DDX20: variants seen among roughly 807,000 people sequenced by gnomAD.
DDX20 encodes the protein probable ATP-dependent RNA helicase DDX20.
A neutral mutation model predicts 76.4 loss-of-function variants in DDX20; 61 were observed. The ratio of observed to expected loss-of-function variants is 0.80; its 90% CI spans 0.65 to 0.99. DDX20 has a LOEUF of 0.99. Ranked by LOEUF, DDX20 falls within the 50% of genes least tolerant of loss-of-function variation. The pLI is 0.00. For synonymous variants in DDX20, 357 were observed against 357.4 expected, an observed-to-expected ratio of 1.00 and a Z score of 0.01; for missense variants, 976 against 996.8, an observed-to-expected ratio of 0.98 and a Z score of 0.28.
chr1:111,756,258 TG>T (rs1344196691), intron 1 of DDX20, 33 bp downstream of exon 1: 2 of 561,386 alleles, frequency 3.6e-6, no homozygotes, highest in Non-Finnish European at 4.7e-6. Context: ...GGTCGGGGGG[TG>T]GGGTGGGAGA....
intron 2 of DDX20, among the ~76,000 whole-genome samples, chr1:111,758,810 C>G (rs114038990): frequency 0.026 from 3,949 of 151,918 alleles, 73 homozygotes; most frequent in Non-Finnish European, 0.04. Context: ...TATTCTTATC[C>G]AAGAATGAAA....
rs767106165 is a variant in DDX20 at position 111,762,899 on chromosome 1, C to G, written c.1211-7C>G. On this transcript the variant is annotated splice_region_variant and splice_polypyrimidine_tract_variant and intron_variant, in intron 9 of 10. Coordinates refer to ENST00000369702, the MANE Select transcript of DDX20 (RefSeq NM_007204.5). ...GATTTACTACCTAACATTCTCTCTG[C>G]TTTTAGGTACATTGGGGCTGACAGT... is the stretch of plus-strand genomic sequence containing the variant. 6.2e-7 allele frequency: 1 copy of G among 1,609,500 alleles called. No individual in the cohort carries two copies. Among genetic ancestry groups the G allele is most frequent in the South Asian group, 1.1e-5 (1 of 90,968 alleles).
At chr1:111,758,226 T>G (rs889595607) in intron 2 of DDX20, among the ~76,000 whole-genome samples, 14 of 152,178 alleles carry the variant, frequency 9.2e-5, no homozygotes, top group African/African-American at 3.4e-4. Context: ...TGTATCAAAG[T>G]AATACATATT....
Position 111,762,762 on chromosome 1 carries a change from T to C in DDX20, c.1190T>C (p.Ile397Thr), listed in dbSNP as rs771207510. ...PLDWETYMHR[I>T]GRAGRFGTLG... Reference sequence around the variant, plus strand: ...GATTGGGAGACATACATGCATCGGATTGGGAGAGCTGGCCGTTTTGGTAAA... The same window carrying C: ...GATTGGGAGACATACATGCATCGGACTGGGAGAGCTGGCCGTTTTGGTAAA... The change falls in exon 9 of 11, where the codon ATT becomes ACT. Residue 397 changes from isoleucine (I) to threonine (T), a missense_variant. Ile to Thr is a moderately conservative substitution (Grantham distance 89, BLOSUM62 -1). Transcript: ENST00000369702. 9 of 1,613,286 alleles carry C rather than the reference T, an allele frequency of 5.6e-6. No homozygotes were observed. Among genetic ancestry groups the C allele is most frequent in the Non-Finnish European group, 8.5e-7 (1 of 1,179,822 alleles).
chr1:111,760,485 C>G lies in DDX20; in HGVS notation c.577C>G (p.Gln193Glu). ...TTTTTTTTAATTAGGCAGAATTAAG[C>G]AACTCATAGAACTTGACTACTTGAA... is the stretch of plus-strand genomic sequence containing the variant. ...IAVGSPGRIK[Q>E]LIELDYLNPG... Residue 193 changes from glutamine (Q) to glutamate (E), a missense_variant, in exon 4 of 11, where the codon CAA becomes GAA. Gln to Glu is a conservative substitution (Grantham distance 29, BLOSUM62 2). Coordinates refer to ENST00000369702, the MANE Select transcript of DDX20 (RefSeq NM_007204.5). 6.3e-7 allele frequency: 1 copy of G among 1,584,536 alleles called. No homozygotes were observed. The highest frequency in any genetic ancestry group is 8.5e-7 in the Non-Finnish European group (1 of 1,171,046).
At chr1:111,765,491 T>G (rs1404712582) in intron 10 of DDX20, among the ~76,000 whole-genome samples, 3 of 152,200 alleles carry the variant, frequency 2.0e-5, no homozygotes, top group Non-Finnish European at 4.4e-5. Flanking sequence ...AAGCTCTTTT[T>G]CTAGTGAGAG....
rs1259321504 is a variant in DDX20, at chr1:111,762,390, TATC to T, written c.1104+55_1104+57del. The T allele has an allele frequency of 1.6e-5, 21 of 1,350,914 alleles. No homozygotes were observed. The South Asian group carries it at 2.6e-4, about 16-fold the overall frequency. 83.7% of individuals were successfully genotyped at this position (1,350,914 alleles called of 1,614,324 possible). A position where few individuals can be genotyped will look rare whatever the true frequency, so the allele number is the denominator to read the frequency against. On this transcript the variant is annotated intron_variant, in intron 8 of 10. Coordinates refer to ENST00000369702, the MANE Select transcript of DDX20 (RefSeq NM_007204.5). ...TAATCCATCTTGACATATGTTCTAT[TATC>T]AGATGTACAGATTTCATATATTATT...
intron 8 of DDX20, 100 bp downstream of exon 8, chr1:111,762,437 C>T (rs966084158): frequency 1.4e-4 from 136 of 972,950 alleles, no homozygotes; most frequent in Non-Finnish European, 2.0e-4. Flanking sequence ...GCGTATCTAA[C>T]AAGAATACCA....
At position 111,765,823 on chromosome 1, in the gene DDX20, G is replaced by A. The variant is rs752102644; in HGVS notation, c.1399G>A (p.Val467Ile). Reference sequence around the variant, plus strand: ...TGTGCATACATATGGTATAGCAAGTGTACCTAACCAACCCTTAAAAAAGCA... The same window carrying A: ...TGTGCATACATATGGTATAGCAAGTATACCTAACCAACCCTTAAAAAAGCA... ...AAVHTYGIASVPNQPLKKQIQ... is the reference protein window; with the variant it reads ...AAVHTYGIASIPNQPLKKQIQ... The change falls in exon 11 of 11, where the codon GTA becomes ATA. Residue 467 changes from valine to isoleucine, a missense_variant. Val to Ile is a conservative substitution (Grantham distance 29). Transcript: ENST00000369702. 1.2e-6 allele frequency: 2 copies of A among 1,614,110 alleles called. No individual in the cohort carries two copies. The highest frequency in any genetic ancestry group is 3.3e-5 in the Admixed American group (2 of 60,010).
chr1:111,761,666 G>A (rs1261603373), intron 7 of DDX20: 1 of 157,622 alleles, frequency 6.3e-6, no homozygotes, highest in African/African-American at 2.4e-5. Context: ...TAACTGAATT[G>A]ACTGTTTTAT....
rs1028494724 is a variant in DDX20 at position 111,767,848 on chromosome 1, T to C, written c.*949T>C. 1.3e-5 allele frequency: 2 copies of C among 152,196 alleles called. No homozygotes were observed. Among genetic ancestry groups the C allele is most frequent in the African/African-American group, 4.8e-5 (2 of 41,452 alleles). 9.4% of individuals were successfully genotyped at this position (152,196 alleles called of 1,614,324 possible). The stretch of plus-strand genomic sequence containing the variant: ...AGTATTTTGTGGAAGCTGGAATTGA[T>C]TCTCTTCAGACACTTCTTAGTACAT... On this transcript the variant is annotated 3_prime_UTR_variant, in exon 11 of 11. Coordinates refer to ENST00000369702, the MANE Select transcript of DDX20 (RefSeq NM_007204.5).
intron 3 of DDX20, among the ~76,000 whole-genome samples, chr1:111,760,067 A>G (rs1400502451): frequency 1.3e-5 from 2 of 151,952 alleles, no homozygotes; most frequent in Admixed American, 1.3e-4. Flanking sequence ...TGAAATCTCC[A>G]TTCCTAAGTA....
chr1:111,766,853 A>T lies in DDX20; in HGVS notation c.2429A>T (p.His810Leu), dbSNP rs1237028259. 6.2e-7 allele frequency: 1 copy of T among 1,613,510 alleles called. No homozygotes were observed. Among genetic ancestry groups the T allele is most frequent in the African/African-American group, 1.3e-5 (1 of 75,052 alleles). Residue 810 changes from histidine to leucine, a missense_variant, in exon 11 of 11, where the codon CAC becomes CTC. Coordinates refer to ENST00000369702, the MANE Select transcript of DDX20 (RefSeq NM_007204.5). ...QRHPSWMAAY[H>L]MNTIYLQEMM... ...CATCCAAGTTGGATGGCAGCTTATC[A>T]CATGAATACCATTTATCTACAAGAA...
intron 3 of DDX20, 171 bp from the exon 4 acceptor site, chr1:111,760,303 G>T: frequency 3.8e-6 from 2 of 519,926 alleles, no homozygotes; most frequent in South Asian, 3.0e-5. Context: ...GTTTAGTCAA[G>T]ATCAGAGCTC....
At chr1:111,756,347 C>T (rs900904587) in intron 1 of DDX20, 122 bp downstream of exon 1, 5 of 1,037,756 alleles carry the variant, frequency 4.8e-6, no homozygotes, top group African/African-American at 3.4e-5. Flanking sequence ...CGGAGCAGGG[C>T]CCTGCCGGGG....
At position 111,767,467 on chromosome 1, in the gene DDX20, AAAAAC is replaced by A. The variant is rs1663806140; in HGVS notation, c.*572_*576del. On this transcript the variant is annotated 3_prime_UTR_variant, in exon 11 of 11. Transcript: ENST00000369702. The stretch of plus-strand genomic sequence containing the variant: ...TCCAGTAAAAATATTTGTTTTTAGT[AAAAAC>A]AAATTTAAATATATTTACATGTTTG... The A allele has an allele frequency of 7.0e-6, 1 of 143,774 alleles. No homozygotes were observed. Among genetic ancestry groups the A allele is most frequent in the Admixed American group, 6.7e-5 (1 of 14,920 alleles). 8.9% of individuals were successfully genotyped at this position (143,774 alleles called of 1,614,324 possible). A position where few individuals can be genotyped will look rare whatever the true frequency, so the allele number is the denominator to read the frequency against.
At position 111,767,614 on chromosome 1, in the gene DDX20, A is replaced by G. The variant is rs1458891971; in HGVS notation, c.*715A>G. 1 of 152,192 alleles carries G rather than the reference A, an allele frequency of 6.6e-6. No individual in the cohort carries two copies. Among genetic ancestry groups the G allele is most frequent in the Non-Finnish European group, 1.5e-5 (1 of 68,014 alleles). The allele number at this position is 152,192 out of a possible 1,614,324, so 9.4% of individuals were successfully genotyped here. On this transcript the variant is annotated 3_prime_UTR_variant, in exon 11 of 11. Coordinates refer to ENST00000369702, the MANE Select transcript of DDX20 (RefSeq NM_007204.5). ...ACTTGTGTTGCTCAGATAGAGGAGC[A>G]GCTCTTAATCTTTTTTGGTTCTTGG...
Position 111,765,997 on chromosome 1 carries a change from G to A in DDX20, c.1573G>A (p.Gly525Arg). The A allele has an allele frequency of 1.2e-6, 2 of 1,614,112 alleles. No individual in the cohort carries two copies. Among genetic ancestry groups the A allele is most frequent in the Non-Finnish European group, 1.7e-6 (2 of 1,180,004 alleles). The change falls in exon 11 of 11, where the codon GGA (glycine) becomes AGA (arginine). Residue 525 changes from glycine (G) to arginine (R), a missense_variant. Coordinates refer to ENST00000369702, the MANE Select transcript of DDX20 (RefSeq NM_007204.5). ...TCCTGTGAAAAGCCACTCAGAATGT[G>A]GAATCATAGAAAAAGCAACGTCACC... Reference protein sequence around the residue: ...KLPVKSHSECGIIEKATSPKE... With the variant: ...KLPVKSHSECRIIEKATSPKE...
chr1:111,764,699 G>C (rs919306984), intron 10 of DDX20, among the ~76,000 whole-genome samples: 1 of 152,084 alleles, frequency 6.6e-6, no homozygotes, highest in Non-Finnish European at 1.5e-5. Flanking sequence ...AATTGCCTTT[G>C]GATACTGGAA....
Sources: allele counts gnomAD v4.1 joint callset (sites outside exome capture counted in the v4.1 genomes callset), GRCh38; gene constraint gnomAD v4.1.1; transcripts MANE v1.5; gene names NCBI Gene and HGNC (gene_info 2026-07-23, HGNC 2026-07-21).